The following MDGA2 variants were observed in gnomAD, a reference collection of about 807,000 sequenced individuals.
MDGA2 encodes the protein MAM domain containing glycosylphosphatidylinositol anchor 2.
A neutral mutation model predicts 117.8 loss-of-function variants in MDGA2; 40 were observed. The observed-to-expected ratio is 0.34, with a 90% CI of 0.26 to 0.44. MDGA2 has a LOEUF of 0.44. Among genes scored for constraint, MDGA2 ranks in the 20% least tolerant of loss-of-function variants. The probability of loss-of-function intolerance (pLI) is 1.00; values close to 1 mark genes in which losing one functional copy is unlikely to be tolerated. For synonymous variants in MDGA2, 452 were observed against 439.0 expected, an observed-to-expected ratio of 1.03 and a Z score of -0.37; for missense variants, 1,123 against 1,250.6, an observed-to-expected ratio of 0.90 and a Z score of 1.54.
intron 1 of MDGA2, among the ~76,000 whole-genome samples, chr14:47,646,719 C>G (rs1428627916): frequency 6.6e-6 from 1 of 152,068 alleles, no homozygotes; most frequent in Non-Finnish European, 1.5e-5. Flanking sequence ...GCCCTACAAC[C>G]CTTAGCGTAA....
intron 5 of MDGA2, among the ~76,000 whole-genome samples, chr14:47,108,462 T>C (rs867957772): frequency 6.6e-6 from 1 of 152,094 alleles, no homozygotes; most frequent in Non-Finnish European, 1.5e-5. Flanking sequence ...ACAAAAGAAG[T>C]GTAAATGGCC....
intron 6 of MDGA2, among the ~76,000 whole-genome samples, chr14:47,083,461 C>G (rs146467878): frequency 7.3e-6 from 1 of 136,218 alleles, no homozygotes; most frequent in African/African-American, 2.5e-5. Context: ...GTACACTACT[C>G]TATATTCTAG....
intron 10 of MDGA2, among the ~76,000 whole-genome samples, chr14:46,917,349 C>T (rs1017492804): frequency 6.6e-6 from 1 of 152,152 alleles, no homozygotes; most frequent in Non-Finnish European, 1.5e-5. Flanking sequence ...ATTGCCATAA[C>T]TGTTTGTGCA....
chr14:47,089,302 T>C (rs1182352196), intron 6 of MDGA2, among the ~76,000 whole-genome samples: 1 of 152,176 alleles, frequency 6.6e-6, no homozygotes, highest in East Asian at 1.9e-4. Flanking sequence ...GGTCTTTGAA[T>C]CCCAGCTCTA....
intron 1 of MDGA2, among the ~76,000 whole-genome samples, chr14:47,625,511 T>C (rs1026150181): frequency 1.3e-5 from 2 of 152,204 alleles, no homozygotes; most frequent in Admixed American, 1.3e-4. Context: ...TAAAATAGGG[T>C]AACTGTGGTT....
intron 2 of MDGA2, among the ~76,000 whole-genome samples, chr14:47,250,994 C>A (rs751299923): frequency 1.3e-5 from 2 of 152,170 alleles, no homozygotes; most frequent in Non-Finnish European, 2.9e-5. Flanking sequence ...GATCTGCTTT[C>A]ATTCTTTCTT....
intron 1 of MDGA2, chr14:47,444,539 T>C (rs1893081729): frequency 6.2e-6 from 1 of 160,800 alleles, no homozygotes; most frequent in South Asian, 1.8e-4. Flanking sequence ...GAAGTACATG[T>C]TTAAATGAGA....
chr14:47,093,214 G>A (rs549183219), intron 6 of MDGA2, among the ~76,000 whole-genome samples: 1 of 152,042 alleles, frequency 6.6e-6, no homozygotes, highest in East Asian at 1.9e-4. Context: ...CATTAAATCA[G>A]GTTTAGAGTT....
chr14:47,032,614 T>C (rs993052281), intron 8 of MDGA2, among the ~76,000 whole-genome samples: 2 of 152,150 alleles, frequency 1.3e-5, no homozygotes, highest in African/African-American at 4.8e-5. Context: ...CTATAAAAGT[T>C]AGACTGTTTT....
intron 14 of MDGA2, among the ~76,000 whole-genome samples, chr14:46,867,033 C>T (rs1466470500): frequency 1.3e-5 from 2 of 152,104 alleles, no homozygotes; most frequent in Non-Finnish European, 2.9e-5. Context: ...CCAGCCATCC[C>T]ATTACTGGGT....
At chr14:47,349,566 T>C (rs1328261435) in intron 1 of MDGA2, among the ~76,000 whole-genome samples, 1 of 152,224 alleles carries the variant, frequency 6.6e-6, no homozygotes, top group Non-Finnish European at 1.5e-5. Context: ...ATAATAAACT[T>C]ATCTTTCTTT....
chr14:47,421,681 G>A (rs554997705), intron 1 of MDGA2, among the ~76,000 whole-genome samples: 2 of 152,130 alleles, frequency 1.3e-5, no homozygotes, highest in Admixed American at 6.6e-5. Context: ...ATATACAACC[G>A]ATGCATGTGA....
intron 1 of MDGA2, among the ~76,000 whole-genome samples, chr14:47,425,801 G>A (rs1391738900): frequency 1.3e-5 from 2 of 152,030 alleles, no homozygotes; most frequent in Admixed American, 6.6e-5. Context: ...GTGCCCGTAT[G>A]CCCTCTACCC....
chr14:47,256,039 C>T (rs921435965), intron 2 of MDGA2, among the ~76,000 whole-genome samples: 41 of 151,908 alleles, frequency 2.7e-4, no homozygotes, highest in African/African-American at 9.9e-4. Flanking sequence ...CAGATTCCTA[C>T]AAATTCCTCA....
intron 2 of MDGA2, among the ~76,000 whole-genome samples, chr14:47,242,755 G>A (rs1311704586): frequency 1.3e-5 from 2 of 151,804 alleles, no homozygotes; most frequent in African/African-American, 4.8e-5. Flanking sequence ...TGCGGCCCGA[G>A]CCTCCCCGAC....
At chr14:47,561,163 G>GTTGTTTTTTTTTTTTTTTTTTT in intron 1 of MDGA2, among the ~76,000 whole-genome samples, 1 of 83,886 alleles carries the variant, frequency 1.2e-5, no homozygotes, top group Admixed American at 1.3e-4. Context: ...GTTTTGTTTT[G>GTTGTTTTTTTTTTTTTTTTTTT]TTTTTTTGTT....
intron 1 of MDGA2, among the ~76,000 whole-genome samples, chr14:47,487,776 T>C (rs1192861898): frequency 6.6e-6 from 1 of 152,236 alleles, no homozygotes; most frequent in Non-Finnish European, 1.5e-5. Flanking sequence ...CTTAATTTAT[T>C]GAAAATTAAC....
intron 9 of MDGA2, among the ~76,000 whole-genome samples, chr14:46,930,868 G>A (rs1014066688): frequency 3.3e-5 from 5 of 151,852 alleles, no homozygotes; most frequent in African/African-American, 7.3e-5. Context: ...TTGTCCCATC[G>A]GTTGAGGATC....
chr14:47,095,356 T>C (rs1479247953), intron 6 of MDGA2, among the ~76,000 whole-genome samples: 1 of 151,946 alleles, frequency 6.6e-6, no homozygotes, highest in African/African-American at 2.4e-5. Context: ...ACAAGAACAA[T>C]ATCGTATAGA....
Sources: gnomAD v4.1 joint callset for allele counts (sites outside exome capture counted in the v4.1 genomes callset) on GRCh38, gnomAD v4.1.1 for gene constraint, MANE v1.5 for transcripts, NCBI Gene and HGNC (gene_info 2026-07-23, HGNC 2026-07-21) for gene names.